TAS2R1: variants seen among roughly 807,000 people sequenced by gnomAD.
The protein encoded by TAS2R1 is taste 2 receptor member 1.
For missense variants in TAS2R1, 370 were observed against 353.4 expected (o/e 1.05, Z -0.38); for synonymous variants, 141 against 134.2 (o/e 1.05, Z -0.35).
chr5:9,867,528 C>G, the TAS2R1 span, among the ~76,000 whole-genome samples: 1 of 152,114 alleles, frequency 6.6e-6, no homozygotes, highest in Non-Finnish European at 1.5e-5. Context: ...GGAGAACCTG[C>G]CCCCATGATT....
intron 2 of TAS2R1, among the ~76,000 whole-genome samples, chr5:9,653,686 T>C (rs1740353470): frequency 6.6e-6 from 1 of 152,152 alleles, no homozygotes; most frequent in African/African-American, 2.4e-5. Flanking sequence ...TCTTACTTTC[T>C]GTTTGGATTT....
the TAS2R1 span, among the ~76,000 whole-genome samples, chr5:9,770,803 A>G: frequency 2.6e-5 from 4 of 151,950 alleles, no homozygotes; most frequent in Non-Finnish European, 2.9e-5. Flanking sequence ...TTTTTGGTGG[A>G]CTCGTTAGGT....
the TAS2R1 span, among the ~76,000 whole-genome samples, chr5:9,902,021 C>T: frequency 6.6e-6 from 1 of 152,174 alleles, no homozygotes; most frequent in African/African-American, 2.4e-5. Context: ...TCTTCCATTA[C>T]TCTTTGATGT....
intron 1 of TAS2R1, among the ~76,000 whole-genome samples, chr5:9,696,798 G>A (rs773335895): frequency 4.6e-5 from 7 of 152,040 alleles, no homozygotes; most frequent in Non-Finnish European, 8.8e-5. Context: ...CGGATCACCT[G>A]AGGTTGGGAG....
intron 1 of TAS2R1, among the ~76,000 whole-genome samples, chr5:9,670,698 A>G (rs904533241): frequency 2.0e-5 from 3 of 152,200 alleles, no homozygotes; most frequent in Non-Finnish European, 4.4e-5. Flanking sequence ...TCACAGCCAA[A>G]TTCTACCAGA....
At chr5:9,725,583 C>T in the TAS2R1 span, among the ~76,000 whole-genome samples, 1 of 152,208 alleles carries the variant, frequency 6.6e-6, no homozygotes, top group Non-Finnish European at 1.5e-5. Flanking sequence ...CTGCAGCCCG[C>T]CATGCCTGAG....
chr5:9,730,683 G>T, the TAS2R1 span, among the ~76,000 whole-genome samples: 1 of 152,116 alleles, frequency 6.6e-6, no homozygotes, highest in Non-Finnish European at 1.5e-5. Context: ...TGAGACACCA[G>T]GGCATGAAGA....
intron 1 of TAS2R1, among the ~76,000 whole-genome samples, chr5:9,667,225 C>A (rs922144030): frequency 1.3e-5 from 2 of 152,200 alleles, no homozygotes; most frequent in African/African-American, 4.8e-5. Flanking sequence ...CCTCAACTTG[C>A]AGCTTCCTGT....
At chr5:9,899,731 C>G in the TAS2R1 span, among the ~76,000 whole-genome samples, 1 of 151,588 alleles carries the variant, frequency 6.6e-6, no homozygotes, top group Non-Finnish European at 1.5e-5. Context: ...GATATGAAAA[C>G]AGTGCCCTCT....
At chr5:9,763,622 A>C in the TAS2R1 span, among the ~76,000 whole-genome samples, 1 of 152,244 alleles carries the variant, frequency 6.6e-6, no homozygotes, top group Non-Finnish European at 1.5e-5. Context: ...CTACAAATGA[A>C]CCAGATGTGC....
intron 1 of TAS2R1, among the ~76,000 whole-genome samples, chr5:9,695,078 G>A (rs973193858): frequency 4.6e-5 from 7 of 152,280 alleles, no homozygotes; most frequent in African/African-American, 1.4e-4. Context: ...ACCAGTACAT[G>A]ACTTCTATCT....
chr5:9,834,294 C>T, the TAS2R1 span, among the ~76,000 whole-genome samples: 43,317 of 152,150 alleles, frequency 0.28, 6,930 homozygotes, highest in Non-Finnish European at 0.37. Context: ...GTTTAGAAAT[C>T]TAAGCCACAG....
At chr5:9,888,490 C>G in the TAS2R1 span, among the ~76,000 whole-genome samples, 1 of 152,190 alleles carries the variant, frequency 6.6e-6, no homozygotes, top group Non-Finnish European at 1.5e-5. Context: ...GCCTGCTGAA[C>G]TATTTTAAAA....
At chr5:9,735,342 TAAC>T in the TAS2R1 span, among the ~76,000 whole-genome samples, 1 of 151,410 alleles carries the variant, frequency 6.6e-6, no homozygotes, top group Non-Finnish European at 1.5e-5. Context: ...CTACTTTAAG[TAAC>T]AACTGAAAAA....
chr5:9,672,845 G>GT (rs1223152712), intron 1 of TAS2R1, among the ~76,000 whole-genome samples: 1 of 152,170 alleles, frequency 6.6e-6, no homozygotes, highest in East Asian at 1.9e-4. Context: ...ACATGCACAT[G>GT]TAAGTTCATT....
intron 1 of TAS2R1, among the ~76,000 whole-genome samples, chr5:9,678,820 A>G (rs1351948787): frequency 6.6e-6 from 1 of 152,144 alleles, no homozygotes. Flanking sequence ...ATAATAGCCA[A>G]TGGATGCTGG....
At chr5:9,669,967 T>C (rs1035727193) in intron 1 of TAS2R1, among the ~76,000 whole-genome samples, 5 of 152,066 alleles carry the variant, frequency 3.3e-5, no homozygotes, top group East Asian at 1.9e-4. Context: ...AATCTACAAA[T>C]TGATTTTTTG....
chr5:9,806,832 A>G, the TAS2R1 span, among the ~76,000 whole-genome samples: 2 of 152,180 alleles, frequency 1.3e-5, no homozygotes, highest in African/African-American at 2.4e-5. Context: ...TCTTCTAGAC[A>G]TTGGCTTAGG....
At position 9,667,363 on chromosome 5, in the gene TAS2R1, G is replaced by A. The variant is rs79897261; in HGVS notation, c.-241-7782C>T. Among the ~76,000 whole-genome samples, 469 of 152,278 alleles carry A rather than the reference G, an allele frequency of 3.1e-3. 4 individuals are homozygous for A. Among genetic ancestry groups the A allele is most frequent in the African/African-American group, 0.011 (448 of 41,554 alleles). ...TACCTCTGCCTGAATTTGCCAAAGG[G>A]TACAGCCTCCTGTTGCCCTGGAAAT... On this transcript the variant is annotated intron_variant, in intron 1 of 2. Transcript: ENST00000506620.
Sources: allele counts gnomAD v4.1 joint callset (sites outside exome capture counted in the v4.1 genomes callset), GRCh38; gene constraint gnomAD v4.1.1; transcripts MANE v1.5; gene names NCBI Gene and HGNC (gene_info 2026-07-23, HGNC 2026-07-21).